SH3PXD2A: variants seen among roughly 807,000 people sequenced by gnomAD.
SH3PXD2A encodes SH3 and PX domains 2A, also known as SH3 and PX domain-containing protein 2A.
A neutral mutation model predicts 115.2 loss-of-function variants in SH3PXD2A; 32 were observed. The observed-to-expected ratio is 0.28, with a 90% CI of 0.21 to 0.37. The LOEUF (loss-of-function observed/expected upper bound fraction) is 0.37, where lower values mean the gene tolerates loss of function less well. Ranked by LOEUF, SH3PXD2A falls within the 10% of genes least tolerant of loss-of-function variation. The pLI is 1.00. For synonymous variants in SH3PXD2A, 610 were observed against 629.1 expected (o/e 0.97, Z 0.45); for missense variants, 1,328 against 1,498.7 (o/e 0.89, Z 1.88).
chr10:103,808,634 C>T (rs939561782), intron 1 of SH3PXD2A, among the ~76,000 whole-genome samples: 14 of 152,176 alleles, frequency 9.2e-5, no homozygotes, highest in South Asian at 6.2e-4. Flanking sequence ...ACTAGCCTGG[C>T]GAGTCTGTGA....
chr10:103,724,713 C>G (rs1380183916), intron 4 of SH3PXD2A, among the ~76,000 whole-genome samples: 1 of 152,040 alleles, frequency 6.6e-6, no homozygotes, highest in African/African-American at 2.4e-5. Context: ...ACCTACCCAT[C>G]AACCATCCAG....
At chr10:103,637,315 T>C (rs2036882210) in intron 8 of SH3PXD2A, among the ~76,000 whole-genome samples, 1 of 152,202 alleles carries the variant, frequency 6.6e-6, no homozygotes, top group Non-Finnish European at 1.5e-5. Flanking sequence ...AGGCTTTAGA[T>C]GACTTCCAGG....
At chr10:103,835,096 C>T (rs1422459564) in intron 1 of SH3PXD2A, among the ~76,000 whole-genome samples, 1 of 152,182 alleles carries the variant, frequency 6.6e-6, no homozygotes, top group Non-Finnish European at 1.5e-5. Flanking sequence ...TTCTTGGGGA[C>T]ACTGGCAGAA....
intron 5 of SH3PXD2A, among the ~76,000 whole-genome samples, chr10:103,720,936 A>G (rs929403309): frequency 6.6e-6 from 1 of 152,246 alleles, no homozygotes; most frequent in African/African-American, 2.4e-5. Context: ...GCCTGGCCAC[A>G]GCTGAGCTCA....
At chr10:103,663,903 G>A (rs1184278182) in intron 7 of SH3PXD2A, among the ~76,000 whole-genome samples, 2 of 152,206 alleles carry the variant, frequency 1.3e-5, no homozygotes, top group Non-Finnish European at 2.9e-5. Flanking sequence ...ACATTCGCAC[G>A]TGCACAGTCC....
intron 2 of SH3PXD2A, among the ~76,000 whole-genome samples, chr10:103,791,270 G>T (rs1344161998): frequency 6.6e-6 from 1 of 152,208 alleles, no homozygotes; most frequent in Non-Finnish European, 1.5e-5. Context: ...ACAAATGAGG[G>T]TCTGATCTGA....
At chr10:103,767,018 A>T in intron 3 of SH3PXD2A, 76 bp downstream of exon 3, 1 of 1,057,400 alleles carries the variant, frequency 9.5e-7, no homozygotes, top group Non-Finnish European at 1.5e-6. Context: ...GCTGCTTAGT[A>T]CTCTTCTCGG....
At chr10:103,662,013 C>G (rs928755253) in intron 7 of SH3PXD2A, 1 of 933,000 alleles carries the variant, frequency 1.1e-6, no homozygotes, top group Non-Finnish European at 1.3e-6. Context: ...CTCAGGCCTG[C>G]CCCCAGCCCT....
At chr10:103,782,725 T>C (rs939888316) in intron 2 of SH3PXD2A, among the ~76,000 whole-genome samples, 2 of 145,974 alleles carry the variant, frequency 1.4e-5, no homozygotes, top group African/African-American at 2.6e-5. Flanking sequence ...GGGCTGGGCA[T>C]GGTGGCTCAT....
intron 1 of SH3PXD2A, among the ~76,000 whole-genome samples, chr10:103,808,800 T>C (rs1319637428): frequency 1.3e-5 from 2 of 152,196 alleles, no homozygotes; most frequent in Non-Finnish European, 2.9e-5. Flanking sequence ...CAGGTCTCCC[T>C]ATCCATGCAA....
At chr10:103,683,405 T>C (rs976906587) in intron 6 of SH3PXD2A, among the ~76,000 whole-genome samples, 1 of 151,790 alleles carries the variant, frequency 6.6e-6, no homozygotes, top group East Asian at 1.9e-4. Flanking sequence ...TCCCAGCTAC[T>C]TGGGAGGCTG....
rs1178783303 is a variant in SH3PXD2A at position 103,801,571 on chromosome 10, C to CACACA, written c.73-210_73-209insTGTGT. Among the ~76,000 whole-genome samples the CACACA allele has an allele frequency of 8.5e-5, 3 of 35,106 alleles. No individual in the cohort carries two copies. The East Asian group carries it at 4.9e-3, about 57-fold the overall frequency. 23.0% of individuals were successfully genotyped at this position (35,106 alleles called of 152,430 possible). ...CACACACACACACACACACACATACCCCTAGAGGGATATTTCATCAAATGC... is the reference window on the plus strand; with the variant it reads ...CACACACACACACACACACACATACCACACACCTAGAGGGATATTTCATCAAATGC... On this transcript the variant is annotated intron_variant, in intron 1 of 14. Transcript: ENST00000369774.
chr10:103,814,835 T>C (rs2039307481), intron 1 of SH3PXD2A, among the ~76,000 whole-genome samples: 1 of 152,238 alleles, frequency 6.6e-6, no homozygotes, highest in South Asian at 2.1e-4. Flanking sequence ...ACAGACAACA[T>C]GTCAGACCAT....
intron 8 of SH3PXD2A, among the ~76,000 whole-genome samples, chr10:103,634,672 T>TG (rs1437389266): frequency 6.6e-6 from 1 of 152,172 alleles, no homozygotes; most frequent in East Asian, 1.9e-4. Context: ...GTCTTGTATG[T>TG]GCACACCATG....
At chr10:103,607,303 C>T (rs1486734405) in intron 13 of SH3PXD2A, among the ~76,000 whole-genome samples, 2 of 151,960 alleles carry the variant, frequency 1.3e-5, no homozygotes, top group African/African-American at 2.4e-5. Flanking sequence ...GCCCGGCAGC[C>T]GCCCCGTCTG....
At chr10:103,697,937 T>C (rs1330500768) in intron 5 of SH3PXD2A, among the ~76,000 whole-genome samples, 1 of 152,132 alleles carries the variant, frequency 6.6e-6, no homozygotes, top group African/African-American at 2.4e-5. Flanking sequence ...TGTTCTGAAG[T>C]AGGCAGAGCA....
At chr10:103,799,517 C>T (rs1422764230) in intron 2 of SH3PXD2A, among the ~76,000 whole-genome samples, 1 of 152,262 alleles carries the variant, frequency 6.6e-6, no homozygotes. Flanking sequence ...GCTTGCGTAT[C>T]CCCTTTCCAC....
chr10:103,823,090 T>A (rs1222334292), intron 1 of SH3PXD2A, among the ~76,000 whole-genome samples: 1 of 152,222 alleles, frequency 6.6e-6, no homozygotes, highest in South Asian at 2.1e-4. Context: ...TAGGAATTTA[T>A]CTTGGGGAAT....
intron 3 of SH3PXD2A, among the ~76,000 whole-genome samples, chr10:103,744,517 G>A (rs759734930): frequency 2.8e-4 from 42 of 152,242 alleles, no homozygotes; most frequent in Admixed American, 4.6e-4. Context: ...CTGCAGCCTG[G>A]GGACTGCAGG....
Sources: allele counts gnomAD v4.1 joint callset (sites outside exome capture counted in the v4.1 genomes callset), GRCh38; gene constraint gnomAD v4.1.1; transcripts MANE v1.5; gene names NCBI Gene and HGNC (gene_info 2026-07-23, HGNC 2026-07-21).